Variants in DOCK9 observed in about 807,000 individuals in gnomAD.
DOCK9 encodes the protein dedicator of cytokinesis 9.
DOCK9 carries 89 observed loss-of-function variants against 263.3 expected under a neutral mutation model. That is an observed-to-expected ratio of 0.34 (90% confidence interval 0.28 to 0.40). The LOEUF (loss-of-function observed/expected upper bound fraction) is 0.40, where lower values mean the gene tolerates loss of function less well. DOCK9 is among the 10% of genes least tolerant of loss of function. The pLI is 1.00. For missense variants in DOCK9, 2,140 were observed against 2,603.4 expected (o/e 0.82, Z 3.87); for synonymous variants, 976 against 973.1 (o/e 1.00, Z -0.06).
At chr13:98,956,738 C>T (rs762568530) in intron 1 of DOCK9, among the ~76,000 whole-genome samples, 2 of 152,064 alleles carry the variant, frequency 1.3e-5, no homozygotes. Context: ...CAGAGCAAGA[C>T]TCCATCTCAA....
At position 98,804,991 on chromosome 13, in the gene DOCK9, G is replaced by T. The variant is rs1369448242; in HGVS notation, c.5725+8C>A. On this transcript the variant is annotated splice_region_variant and intron_variant, in intron 49 of 52. Transcript: ENST00000682017. ...GGCTCGTGTCCATGCGGCTTCTGGGGCCCATACCTGTCAGGATGGTGCGCC... is the reference window on the plus strand; with the variant it reads ...GGCTCGTGTCCATGCGGCTTCTGGGTCCCATACCTGTCAGGATGGTGCGCC... 2 of 1,592,754 alleles carry T rather than the reference G, an allele frequency of 1.3e-6. No individual in the cohort carries two copies. Among genetic ancestry groups the T allele is most frequent in the East Asian group, 4.5e-5 (2 of 44,048 alleles).
chr13:98,909,511 G>A (rs1397643173), intron 9 of DOCK9, among the ~76,000 whole-genome samples: 2 of 152,150 alleles, frequency 1.3e-5, no homozygotes, highest in East Asian at 3.9e-4. Flanking sequence ...GATTGGGTTG[G>A]AATAGGAGGA....
chr13:98,805,006 G>C lies in DOCK9; in HGVS notation c.5718C>G (p.Ile1906Met), dbSNP rs1319383117. 5.2e-5 allele frequency: 84 copies of C among 1,601,966 alleles called. No individual in the cohort carries two copies. Among genetic ancestry groups the C allele is most frequent in the Non-Finnish European group, 7.1e-5 (83 of 1,174,498 alleles). Residue 1906 changes from isoleucine (I) to methionine (M), a missense_variant, in exon 49 of 53, where the codon ATC becomes ATG. Around this residue, in one of 2 missense-constraint regions of DOCK9, gnomAD observed 619 missense variants for 861.8 expected, o/e 0.72. Coordinates refer to ENST00000682017, the MANE Select transcript of DOCK9 (RefSeq NM_001366683.2). Reference protein sequence around the residue: ...GVEEQCKRRTILTAIHCFPYV... With the variant: ...GVEEQCKRRTMLTAIHCFPYV... ...GGCTTCTGGGGCCCATACCTGTCAG[G>C]ATGGTGCGCCGTTTGCACTGCTCTT...
At chr13:98,848,441 C>T (rs2093457354) in intron 37 of DOCK9, 151 bp downstream of exon 37, 2 of 723,890 alleles carry the variant, frequency 2.8e-6, no homozygotes, top group East Asian at 5.5e-5. Context: ...CACTGCCAGG[C>T]TCTGCGGTGG....
intron 9 of DOCK9, among the ~76,000 whole-genome samples, chr13:98,907,386 T>G (rs1391299713): frequency 6.6e-6 from 1 of 152,204 alleles, no homozygotes; most frequent in Non-Finnish European, 1.5e-5. Context: ...GAAAGATGCT[T>G]GTTGTCTTGA....
chr13:98,902,114 T>C (rs1324473747), intron 12 of DOCK9, among the ~76,000 whole-genome samples, 174 bp downstream of exon 12: 1 of 152,208 alleles, frequency 6.6e-6, no homozygotes, highest in African/African-American at 2.4e-5. Context: ...AGAAAGGAAA[T>C]TAAAAGCCAC....
chr13:98,983,805 C>G (rs1415018724), intron 1 of DOCK9, among the ~76,000 whole-genome samples: 1 of 151,900 alleles, frequency 6.6e-6, no homozygotes, highest in Non-Finnish European at 1.5e-5. Flanking sequence ...TCAGTAGAGA[C>G]AGAGTTTCAC....
intron 1 of DOCK9, among the ~76,000 whole-genome samples, chr13:98,989,618 G>T (rs1177740282): frequency 6.6e-6 from 1 of 152,172 alleles, no homozygotes; most frequent in African/African-American, 2.4e-5. Flanking sequence ...TCTCTGCACA[G>T]ATATGACACA....
At chr13:98,998,347 T>C (rs1881524150) in intron 1 of DOCK9, among the ~76,000 whole-genome samples, 1 of 152,190 alleles carries the variant, frequency 6.6e-6, no homozygotes, top group Non-Finnish European at 1.5e-5. Flanking sequence ...CCTCTGGGTA[T>C]CCACTAAGAC....
intron 1 of DOCK9, among the ~76,000 whole-genome samples, chr13:99,077,720 C>T (rs1219042679): frequency 6.6e-6 from 1 of 152,198 alleles, no homozygotes; most frequent in Admixed American, 6.5e-5. Flanking sequence ...AAGGACTGTA[C>T]TTCCCTGCTC....
At chr13:99,003,811 G>A (rs760998500) in intron 1 of DOCK9, among the ~76,000 whole-genome samples, 42 of 152,064 alleles carry the variant, frequency 2.8e-4, no homozygotes, top group African/African-American at 8.7e-4. Flanking sequence ...TCTCTAAGCC[G>A]TTATCCACCC....
rs1396045142 is a variant in DOCK9 at position 98,888,614 on chromosome 13, T to C, written c.1789+18A>G. 2 of 1,613,230 alleles carry C rather than the reference T, an allele frequency of 1.2e-6. No individual in the cohort carries two copies. Among genetic ancestry groups the C allele is most frequent in the African/African-American group, 1.3e-5 (1 of 74,892 alleles). Reference sequence around the variant, plus strand: ...AAACTAATAAAAATTCTGTCTATTATGTAGAACTGACACTTACTAGGGAAG... The same window carrying C: ...AAACTAATAAAAATTCTGTCTATTACGTAGAACTGACACTTACTAGGGAAG... On this transcript the variant is annotated intron_variant, in intron 16 of 52. Transcript: ENST00000682017.
At chr13:98,881,512 T>C in intron 25 of DOCK9, 46 bp downstream of exon 25, 1 of 1,500,748 alleles carries the variant, frequency 6.7e-7, no homozygotes, top group Non-Finnish European at 9.1e-7. Context: ...GAAGGAAAAC[T>C]GGAGAGCCAC....
At chr13:98,860,295 C>A in intron 33 of DOCK9, 110 bp downstream of exon 33, 1 of 1,504,464 alleles carries the variant, frequency 6.6e-7, no homozygotes, top group Non-Finnish European at 8.9e-7. Flanking sequence ...AGGAAAGCAA[C>A]TTAGACTTCA....
intron 38 of DOCK9, among the ~76,000 whole-genome samples, chr13:98,840,578 C>A (rs571372229): frequency 1.3e-5 from 2 of 152,326 alleles, no homozygotes; most frequent in African/African-American, 4.8e-5. Context: ...TCTACAAACT[C>A]ACGTTACCTG....
rs1390173133 is a variant in DOCK9, at chr13:98,809,268, C to T, written c.5367+84G>A. 3.8e-6 allele frequency: 5 copies of T among 1,309,040 alleles called. No homozygotes were observed. In the East Asian group the frequency reaches 1.0e-4, roughly 27 times the overall value. 81.1% of individuals were successfully genotyped at this position (1,309,040 alleles called of 1,614,324 possible). A position where few individuals can be genotyped will look rare whatever the true frequency, so the allele number is the denominator to read the frequency against. On this transcript the variant is annotated intron_variant, in intron 47 of 52. Transcript: ENST00000682017. ...AAAACAGAGAATTTATAAGATATAA[C>T]TTTATTATAGTTTTTTTTTTGTTTT...
At chr13:98,907,870 C>T (rs958524486) in intron 9 of DOCK9, among the ~76,000 whole-genome samples, 2 of 152,106 alleles carry the variant, frequency 1.3e-5, no homozygotes, top group African/African-American at 2.4e-5. Flanking sequence ...AGAATAGTAA[C>T]GATAAGAGCT....
intron 1 of DOCK9, among the ~76,000 whole-genome samples, chr13:99,074,390 A>G (rs893303139): frequency 6.6e-6 from 1 of 152,246 alleles, no homozygotes; most frequent in Non-Finnish European, 1.5e-5. Context: ...TACACTGAAC[A>G]TCATATACAA....
Position 98,955,504 on chromosome 13 carries a change from G to C in DOCK9, c.174C>G (p.Val58=), listed in dbSNP as rs2057949321. The part of the protein sequence containing the change: ...IEPLDYENVI[V]QKKTQILNDC... ...CGTTCAGGATCTGAGTCTTCTTCTG[G>C]ACGATGACATTTTCATAGTCGAGTG... The change falls in exon 2 of 53, where the codon GTC becomes GTG. Residue 58 remains valine, a synonymous_variant. Coordinates refer to ENST00000682017, the MANE Select transcript of DOCK9 (RefSeq NM_001366683.2). 6.3e-7 allele frequency: 1 copy of C among 1,599,756 alleles called. No homozygotes were observed. Among genetic ancestry groups the C allele is most frequent in the Non-Finnish European group, 8.5e-7 (1 of 1,172,222 alleles).
Sources: gnomAD v4.1 joint callset for allele counts (sites outside exome capture counted in the v4.1 genomes callset) on GRCh38, gnomAD v4.1.1 for gene constraint, gnomAD v4.1.1 regional missense constraint, MANE v1.5 for transcripts, NCBI Gene and HGNC (gene_info 2026-07-23, HGNC 2026-07-21) for gene names.